Variants in CSMD3 observed in about 807,000 individuals in gnomAD.
The protein encoded by CSMD3 is CUB and sushi domain-containing protein 3.
Under a neutral mutation model 435.2 loss-of-function variants are expected in CSMD3, and 177 were observed. That is an observed-to-expected ratio of 0.41 (90% CI 0.36 to 0.46). The LOEUF (loss-of-function observed/expected upper bound fraction) is 0.46, where lower values mean the gene tolerates loss of function less well. CSMD3 is among the 20% of genes least tolerant of loss of function. The pLI is 0.34. For missense variants in CSMD3, 4,265 were observed against 4,504.6 expected, an observed-to-expected ratio of 0.95 and a Z score of 1.52; for synonymous variants, 1,656 against 1,520.5, an observed-to-expected ratio of 1.09 and a Z score of -2.07.
intron 30 of CSMD3, among the ~76,000 whole-genome samples, chr8:112,500,506 A>C (rs942180833): frequency 6.6e-6 from 1 of 152,162 alleles, no homozygotes; most frequent in Non-Finnish European, 1.5e-5. Flanking sequence ...ATGCTCCTAA[A>C]TTTAGGCAGG....
chr8:113,256,568 T>C (rs1327720874), intron 3 of CSMD3, among the ~76,000 whole-genome samples: 4 of 152,222 alleles, frequency 2.6e-5, no homozygotes, highest in Non-Finnish European at 5.9e-5. Flanking sequence ...TTGTCAAGAA[T>C]GTATTTCCTA....
chr8:113,141,451 A>G (rs1183605699), intron 4 of CSMD3, among the ~76,000 whole-genome samples: 1 of 151,034 alleles, frequency 6.6e-6, no homozygotes, highest in East Asian at 1.9e-4. Flanking sequence ...ATATTAGCAC[A>G]TAAACTCAGT....
chr8:113,300,170 A>AAAG lies in CSMD3; in HGVS notation c.401+14400_401+14401insCTT, dbSNP rs2132580079. 1.4e-5 allele frequency among the ~76,000 whole-genome samples: 2 copies of AAAG among 145,992 alleles called. 1 individual carries two copies. Among genetic ancestry groups the AAAG allele is most frequent in the South Asian group, 4.3e-4 (2 of 4,618 alleles). On this transcript the variant is annotated intron_variant, in intron 2 of 70. Transcript: ENST00000297405. ...CTCTGTCTCAAAAAAGTCAAAAAAAAAAAAAAAACAACAGATGTTGGTGTG... is the reference window on the plus strand; with the variant it reads ...CTCTGTCTCAAAAAAGTCAAAAAAAAAAGAAAAAAAACAACAGATGTTGGTGTG...
intron 32 of CSMD3, among the ~76,000 whole-genome samples, chr8:112,435,999 C>T (rs1395718626): frequency 1.3e-5 from 2 of 151,738 alleles, no homozygotes; most frequent in South Asian, 2.1e-4. Flanking sequence ...CCCTAAATAC[C>T]AGAGGATAAA....
chr8:112,403,844 T>A (rs1490371502), intron 35 of CSMD3, among the ~76,000 whole-genome samples: 1 of 152,104 alleles, frequency 6.6e-6, no homozygotes, highest in Non-Finnish European at 1.5e-5. Context: ...ATTATAAATA[T>A]CAGAAATCAG....
chr8:113,315,190 T>G (rs754272473), intron 1 of CSMD3, among the ~76,000 whole-genome samples: 7 of 152,198 alleles, frequency 4.6e-5, no homozygotes, highest in South Asian at 2.1e-4. Context: ...GTATGCATTT[T>G]GGGTCCCAAA....
At chr8:112,811,311 CA>C (rs1380908052) in intron 12 of CSMD3, among the ~76,000 whole-genome samples, 1 of 151,958 alleles carries the variant, frequency 6.6e-6, no homozygotes, top group Non-Finnish European at 1.5e-5. Flanking sequence ...AGAACTCCCC[CA>C]ACCCCCCTTC....
intron 65 of CSMD3, among the ~76,000 whole-genome samples, chr8:112,243,493 G>A (rs1184814734): frequency 3.3e-5 from 5 of 152,002 alleles, no homozygotes; most frequent in Admixed American, 6.6e-5. Context: ...AGCAGCAATC[G>A]GTGGACACTT....
intron 22 of CSMD3, among the ~76,000 whole-genome samples, chr8:112,593,339 G>T (rs1286730169): frequency 2.0e-5 from 3 of 152,124 alleles, no homozygotes; most frequent in Non-Finnish European, 4.4e-5. Context: ...ACAGACAGAA[G>T]ATGAGAGCTT....
At chr8:112,639,316 G>A (rs924827537) in intron 20 of CSMD3, among the ~76,000 whole-genome samples, 1 of 151,986 alleles carries the variant, frequency 6.6e-6, no homozygotes, top group African/African-American at 2.4e-5. Context: ...TAATATTATA[G>A]CACTTAACTT....
chr8:112,811,573 A>G (rs2079229483), intron 12 of CSMD3, among the ~76,000 whole-genome samples: 1 of 152,156 alleles, frequency 6.6e-6, no homozygotes, highest in African/African-American at 2.4e-5. Flanking sequence ...TATTATAAAG[A>G]TAGAAGTGTA....
At chr8:113,255,291 C>T (rs1486316427) in intron 3 of CSMD3, among the ~76,000 whole-genome samples, 1 of 151,846 alleles carries the variant, frequency 6.6e-6, no homozygotes, top group Admixed American at 6.6e-5. Context: ...TAAAGACTGC[C>T]CTCATTTTTG....
intron 22 of CSMD3, among the ~76,000 whole-genome samples, chr8:112,620,191 T>C (rs946036359): frequency 8.5e-5 from 13 of 152,126 alleles, no homozygotes; most frequent in South Asian, 8.3e-4. Flanking sequence ...AGAATTAGAA[T>C]AAAAAGAGTA....
chr8:113,358,816 T>C (rs1478214123), intron 1 of CSMD3, among the ~76,000 whole-genome samples: 1 of 151,960 alleles, frequency 6.6e-6, no homozygotes, highest in East Asian at 1.9e-4. Flanking sequence ...TCAAAACTCA[T>C]AGAGGCAGTC....
chr8:112,941,405 T>C (rs1010476739), intron 9 of CSMD3, among the ~76,000 whole-genome samples: 1 of 151,804 alleles, frequency 6.6e-6, no homozygotes, highest in Non-Finnish European at 1.5e-5. Flanking sequence ...TTATTGTAGA[T>C]GTTATGGATG....
intron 6 of CSMD3, among the ~76,000 whole-genome samples, chr8:113,015,873 T>G (rs1187243712): frequency 6.6e-6 from 1 of 151,774 alleles, no homozygotes. Flanking sequence ...AATATAGAGT[T>G]TTCAAAAAAT....
chr8:112,587,363 T>C (rs1830820599), intron 22 of CSMD3, 128 bp from the exon 23 acceptor site: 2 of 684,942 alleles, frequency 2.9e-6, no homozygotes, highest in Admixed American at 2.2e-5. Flanking sequence ...ATATACAGAA[T>C]GGCTTTATGT....
At chr8:112,819,128 G>T (rs1003144489) in intron 12 of CSMD3, among the ~76,000 whole-genome samples, 2 of 152,140 alleles carry the variant, frequency 1.3e-5, no homozygotes, top group African/African-American at 4.8e-5. Flanking sequence ...CACCTCACCT[G>T]TGCATCCCTA....
chr8:112,966,167 C>T (rs2084407636), intron 7 of CSMD3, among the ~76,000 whole-genome samples: 1 of 151,608 alleles, frequency 6.6e-6, no homozygotes, highest in South Asian at 2.1e-4. Context: ...AAAGTTCCGA[C>T]ATCCAAAATA....
Sources: allele counts gnomAD v4.1 joint callset (sites outside exome capture counted in the v4.1 genomes callset), GRCh38; gene constraint gnomAD v4.1.1; transcripts MANE v1.5; gene names NCBI Gene and HGNC (gene_info 2026-07-23, HGNC 2026-07-21).